Variants in INAVA observed in about 807,000 individuals in gnomAD.
The protein encoded by INAVA is innate immunity activator.
A neutral mutation model predicts 55.3 loss-of-function variants in INAVA; 32 were observed. The observed-to-expected ratio is 0.58, with a 90% CI of 0.44 to 0.78. The LOEUF is 0.78. Ranked by LOEUF, INAVA falls within the 30% of genes least tolerant of loss-of-function variation. The probability of loss-of-function intolerance (pLI) is 0.00; values close to 1 mark genes in which losing one functional copy is unlikely to be tolerated. For missense variants in INAVA, 756 were observed against 786.4 expected (o/e 0.96, Z 0.46); for synonymous variants, 294 against 329.4 (o/e 0.89, Z 1.16).
intron 8 of INAVA, 71 bp downstream of exon 8, chr1:200,909,468 G>T: frequency 7.5e-7 from 1 of 1,337,684 alleles, no homozygotes; most frequent in Non-Finnish European, 9.8e-7. Context: ...GGAGCTCCCA[G>T]GACACAGGTG....
In INAVA at chr1:200,911,961, C is replaced by T; in HGVS notation, c.1468C>T (p.Pro490Ser). 6.5e-7 allele frequency: 1 copy of T among 1,536,798 alleles called. No homozygotes were observed. The highest frequency in any genetic ancestry group is 8.7e-7 in the Non-Finnish European group (1 of 1,146,612). Residue 490 changes from proline to serine, a missense_variant, in exon 9 of 10, where the codon CCG becomes TCG. Physicochemically the swap from Pro to Ser is moderately conservative, Grantham distance 74 (BLOSUM62 -1). This residue lies in a region of INAVA where 117 missense variants were observed against 162.1 expected (regional missense o/e 0.72). Coordinates refer to ENST00000413687, the MANE Select transcript of INAVA (RefSeq NM_001142569.3). ...IVRTPSLKDS[P>S]AGRGLSKAAV... ...GCGGACGCCCTCCCTGAAGGACAGCCCGGCAGGCCGGGGGCTCAGCAAGGC... is the reference window on the plus strand; with the variant it reads ...GCGGACGCCCTCCCTGAAGGACAGCTCGGCAGGCCGGGGGCTCAGCAAGGC...
chr1:200,907,964 G>C, intron 6 of INAVA, 77 bp downstream of exon 6: 1 of 1,309,164 alleles, frequency 7.6e-7, no homozygotes. Context: ...CAGTTTGCTG[G>C]TGTGGAATTT....
intron 6 of INAVA, chr1:200,908,500 G>A: frequency 2.3e-6 from 1 of 440,904 alleles, no homozygotes. Flanking sequence ...GAGTCAATCT[G>A]GGAGGCTTCT....
rs368337974 is a variant in INAVA at position 200,894,937 on chromosome 1, C to T, written c.-245C>T. 7.1e-6 allele frequency: 7 copies of T among 985,584 alleles called. No individual in the cohort carries two copies. Among genetic ancestry groups the T allele is most frequent in the East Asian group, 1.1e-4 (1 of 8,926 alleles). 61.1% of individuals were successfully genotyped at this position (985,584 alleles called of 1,614,324 possible). The stretch of plus-strand genomic sequence containing the variant: ...GGGACGGCAAGGTAGGCAGGTGAGC[C>T]GAGACGGACGGACGGCCAGCAGCTC... On this transcript the variant is annotated 5_prime_UTR_variant, in exon 1 of 10. Transcript: ENST00000413687.
chr1:200,907,243 A>C (rs1449300322), intron 5 of INAVA, among the ~76,000 whole-genome samples: 1 of 151,990 alleles, frequency 6.6e-6, no homozygotes, highest in Non-Finnish European at 1.5e-5. Flanking sequence ...GGGGAAACTG[A>C]GGTCTAGAGC....
At chr1:200,905,556 AG>A (rs1328807697) in intron 5 of INAVA, among the ~76,000 whole-genome samples, 1 of 152,234 alleles carries the variant, frequency 6.6e-6, no homozygotes, top group Middle Eastern at 3.2e-3. Context: ...ATCTTTAAAA[AG>A]ATGGGTTAAA....
chr1:200,897,339 T>A (rs946576464), intron 1 of INAVA, among the ~76,000 whole-genome samples: 1 of 152,198 alleles, frequency 6.6e-6, no homozygotes, highest in South Asian at 2.1e-4. Flanking sequence ...CTGATTCCCC[T>A]TCAGTGGTCT....
intron 6 of INAVA, 149 bp from the exon 7 acceptor site, chr1:200,908,581 A>G: frequency 1.5e-6 from 1 of 652,392 alleles, no homozygotes; most frequent in Non-Finnish European, 2.6e-6. Context: ...AACATGTTTG[A>G]GCATCTAGGG....
chr1:200,908,677 T>C (rs926765435), intron 6 of INAVA, 53 bp from the exon 7 acceptor site: 5 of 1,458,060 alleles, frequency 3.4e-6, no homozygotes, highest in Non-Finnish European at 3.7e-6. Flanking sequence ...GAGGTTCTTG[T>C]TGGGCCGGTT....
chr1:200,900,915 T>C, intron 4 of INAVA, 22 bp from the exon 5 acceptor site: 2 of 1,520,252 alleles, frequency 1.3e-6, no homozygotes, highest in Non-Finnish European at 1.8e-6. Context: ...CTCTCTAGCC[T>C]CACTCCTGCC....
intron 5 of INAVA, among the ~76,000 whole-genome samples, chr1:200,904,591 TG>T (rs1653405977): frequency 1.3e-5 from 2 of 152,180 alleles, no homozygotes; most frequent in East Asian, 3.8e-4. Context: ...GCTCAGCATT[TG>T]TGAGTAAAAT....
rs1479157592 is a variant in INAVA at position 200,913,580 on chromosome 1, C to T, written c.1688C>T (p.Pro563Leu). The change falls in exon 10 of 10, where the codon CCT (proline) becomes CTT (leucine). Residue 563 changes from proline (P) to leucine (L), a missense_variant. Coordinates refer to ENST00000413687, the MANE Select transcript of INAVA (RefSeq NM_001142569.3). Reference protein sequence around the residue: ...CVLRRSPDGAPVQVFVPEKGE... With the variant: ...CVLRRSPDGALVQVFVPEKGE... ...CTGCGGAGATCGCCTGATGGGGCCC[C>T]TGTGCAAGTCTTTGTACCTGAAAAA... is the stretch of plus-strand genomic sequence containing the variant. 3 of 1,614,142 alleles carry T rather than the reference C, an allele frequency of 1.9e-6. No homozygotes were observed. The highest frequency in any genetic ancestry group is 2.2e-5 in the East Asian group (1 of 44,872).
intron 5 of INAVA, among the ~76,000 whole-genome samples, chr1:200,902,250 A>G (rs964443899): frequency 1.3e-5 from 2 of 152,202 alleles, no homozygotes; most frequent in Non-Finnish European, 2.9e-5. Context: ...GGGAAGCTGG[A>G]AAGCCCTTGC....
intron 5 of INAVA, among the ~76,000 whole-genome samples, chr1:200,905,828 T>C (rs77166963): frequency 0.019 from 2,828 of 152,364 alleles, 81 homozygotes; most frequent in African/African-American, 0.063. Flanking sequence ...GTTGGAACTT[T>C]TTACTTTTTT....
At chr1:200,907,998 C>A in intron 6 of INAVA, 111 bp downstream of exon 6, 1 of 848,334 alleles carries the variant, frequency 1.2e-6, no homozygotes, top group Non-Finnish European at 2.0e-6. Context: ...GGCTAGGGTG[C>A]CAGGCTTAGG....
rs369193205 is a variant in INAVA, at chr1:200,900,599, G to A, written c.298-338G>A. On this transcript the variant is annotated intron_variant, in intron 4 of 9. Coordinates refer to ENST00000413687, the MANE Select transcript of INAVA (RefSeq NM_001142569.3). ...GTCAGGCCCTGGGTGCCCTTCCCCT[G>A]TGGCGTCAATGGCAGCAGTTTCCCA... is the stretch of plus-strand genomic sequence containing the variant. Among the ~76,000 whole-genome samples the A allele has an allele frequency of 9.5e-4, 144 of 152,332 alleles. 3 individuals carry two copies. The South Asian group carries it at 0.013, about 13-fold the overall frequency.
intron 4 of INAVA, among the ~76,000 whole-genome samples, 185 bp downstream of exon 4, chr1:200,900,405 C>T (rs557509501): frequency 6.6e-6 from 1 of 152,296 alleles, no homozygotes. Flanking sequence ...AGAAGGGGCG[C>T]CACTAAGGAA....
intron 4 of INAVA, 57 bp downstream of exon 4, chr1:200,900,277 A>T: frequency 6.9e-7 from 1 of 1,457,518 alleles, no homozygotes; most frequent in Admixed American, 1.7e-5. Flanking sequence ...GATCACTGAG[A>T]CGCCACACCT....
In INAVA at chr1:200,900,163, G is replaced by T; in HGVS notation, c.240G>T (p.Lys80Asn). The T allele has an allele frequency of 6.2e-7, 1 of 1,614,156 alleles. No individual in the cohort carries two copies. The highest frequency in any genetic ancestry group is 8.5e-7 in the Non-Finnish European group (1 of 1,179,986). The part of the protein sequence containing the change: ...YPLKPGEKAP[K>N]VRRRIGAAYK... ...TCAAACCAGGGGAAAAGGCCCCCAA[G>T]GTTCGCCGCAGGATCGGAGCGGCTT... is the stretch of plus-strand genomic sequence containing the variant. The change falls in exon 4 of 10, where the codon AAG (lysine) becomes AAT (asparagine). Residue 80 changes from lysine to asparagine, a missense_variant. By Grantham distance (94) the Lys-to-Asn change is moderately conservative. Transcript: ENST00000413687.
Sources: allele counts gnomAD v4.1 joint callset (sites outside exome capture counted in the v4.1 genomes callset), GRCh38; gene constraint gnomAD v4.1.1; regional missense constraint gnomAD v4.1.1; transcripts MANE v1.5; gene names NCBI Gene and HGNC (gene_info 2026-07-23, HGNC 2026-07-21).